The following PARP1 variants were observed in gnomAD, a reference collection of about 807,000 sequenced individuals.
PARP1 encodes poly(ADP-ribose) polymerase 1.
In PARP1, 44 loss-of-function variants were observed where a neutral mutation model predicts 118.7. The observed-to-expected ratio is 0.37, with a 90% confidence interval of 0.29 to 0.48. The LOEUF is 0.48. Ranked by LOEUF, PARP1 falls within the 20% of genes least tolerant of loss-of-function variation. The probability of loss-of-function intolerance (pLI) is 0.99; values close to 1 mark genes in which losing one functional copy is unlikely to be tolerated. For synonymous variants in PARP1, 492 were observed against 483.2 expected, an observed-to-expected ratio of 1.02 and a Z score of -0.24; for missense variants, 1,100 against 1,272.4, an observed-to-expected ratio of 0.86 and a Z score of 2.06.
intron 19 of PARP1, chr1:226,364,281 A>T (rs1241477600): frequency 1.8e-6 from 1 of 552,568 alleles, no homozygotes; most frequent in Non-Finnish European, 3.4e-6. Context: ...AGGAGCTGCA[A>T]GAAGCTACGT....
chr1:226,407,494 CCT>C (rs1426552745), intron 1 of PARP1, among the ~76,000 whole-genome samples: 3 of 152,130 alleles, frequency 2.0e-5, no homozygotes, highest in Non-Finnish European at 4.4e-5. Flanking sequence ...CCCCCCAACC[CCT>C]GAGGCGAACG....
chr1:226,385,095 T>C (rs1156334028), intron 7 of PARP1, among the ~76,000 whole-genome samples: 2 of 152,188 alleles, frequency 1.3e-5, no homozygotes, highest in African/African-American at 4.8e-5. Flanking sequence ...AGGAGATACG[T>C]GAACCCTGGA....
chr1:226,365,165 T>G lies in PARP1; in HGVS notation c.2506-11A>C. ...CTCTATCTTAAAGATCTGGTTGGAG[T>G]AGTAAACAAAGGGAAGGACAAAAGA... On this transcript the variant is annotated splice_polypyrimidine_tract_variant and intron_variant, in intron 18 of 22. Coordinates refer to ENST00000366794, the MANE Select transcript of PARP1 (RefSeq NM_001618.4). 3.7e-6 allele frequency: 6 copies of G among 1,614,028 alleles called. No homozygotes were observed. The highest frequency in any genetic ancestry group is 5.1e-6 in the Non-Finnish European group (6 of 1,179,984).
At chr1:226,399,573 T>G (rs1664988386) in intron 2 of PARP1, among the ~76,000 whole-genome samples, 1 of 152,226 alleles carries the variant, frequency 6.6e-6, no homozygotes, top group Admixed American at 6.5e-5. Flanking sequence ...GAAAGGACTC[T>G]GGAGGCTACC....
At chr1:226,406,103 TGA>T (rs1471541951) in intron 1 of PARP1, among the ~76,000 whole-genome samples, 40 of 152,250 alleles carry the variant, frequency 2.6e-4, no homozygotes, top group African/African-American at 9.6e-4. Flanking sequence ...TTTGTAGCAA[TGA>T]GAGTAAATTA....
At chr1:226,386,042 T>A (rs900145437) in intron 6 of PARP1, among the ~76,000 whole-genome samples, 1 of 152,164 alleles carries the variant, frequency 6.6e-6, no homozygotes, top group Non-Finnish European at 1.5e-5. Flanking sequence ...ATGCCACCCC[T>A]CAGGAGGGGG....
At chr1:226,369,449 G>A (rs1319160161) in intron 15 of PARP1, among the ~76,000 whole-genome samples, 1 of 152,226 alleles carries the variant, frequency 6.6e-6, no homozygotes, top group African/African-American at 2.4e-5. Flanking sequence ...AATGAAAGAG[G>A]CTTCCATTTG....
At chr1:226,377,403 T>A (rs545645766) in intron 12 of PARP1, 100 bp from the exon 13 acceptor site, 2 of 846,666 alleles carry the variant, frequency 2.4e-6, no homozygotes, top group Non-Finnish European at 4.1e-6. Context: ...GGGAAGAATT[T>A]TACACACCCC....
At chr1:226,398,508 C>T (rs1381695223) in intron 2 of PARP1, among the ~76,000 whole-genome samples, 3 of 139,278 alleles carry the variant, frequency 2.2e-5, no homozygotes, top group Admixed American at 7.7e-5. Flanking sequence ...CTAGCCTGGG[C>T]GACGGAGCAA....
intron 17 of PARP1, chr1:226,367,102 A>G: frequency 3.3e-6 from 1 of 306,824 alleles, no homozygotes; most frequent in Non-Finnish European, 6.3e-6. Flanking sequence ...ACCGGTAATA[A>G]GTCTTCTAAA....
intron 17 of PARP1, chr1:226,366,352 G>GAAC (rs1430390942): frequency 2.6e-6 from 1 of 383,698 alleles, no homozygotes; most frequent in Non-Finnish European, 5.0e-6. Flanking sequence ...CACTGTCAGT[G>GAAC]AACAGGGCAT....
Position 226,388,669 on chromosome 1 carries a change from T to C in PARP1, c.704A>G (p.Glu235Gly). The C allele has an allele frequency of 1.2e-6, 2 of 1,612,318 alleles. No homozygotes were observed. The highest frequency in any genetic ancestry group is 1.7e-6 in the Non-Finnish European group (2 of 1,178,340). ...CTGAGAACTCACCTTTAGGGCTTTT[T>C]CAAGCTTACTATCCTTGTCTTTTTC... ...KKEKDKDSKLEKALKAQNDLI... is the reference protein window; with the variant it reads ...KKEKDKDSKLGKALKAQNDLI... Residue 235 changes from glutamate (E) to glycine (G), a missense_variant, in exon 5 of 23, where the codon GAA becomes GGA. Coordinates refer to ENST00000366794, the MANE Select transcript of PARP1 (RefSeq NM_001618.4).
At chr1:226,388,943 G>A (rs775895366) in intron 4 of PARP1, among the ~76,000 whole-genome samples, 188 bp from the exon 5 acceptor site, 1 of 152,066 alleles carries the variant, frequency 6.6e-6, no homozygotes. Flanking sequence ...GGGAGTACTT[G>A]CAGCCAAGAT....
At chr1:226,373,992 ACT>A (rs1255005292) in intron 14 of PARP1, among the ~76,000 whole-genome samples, 2 of 152,078 alleles carry the variant, frequency 1.3e-5, no homozygotes, top group East Asian at 3.9e-4. Flanking sequence ...ACCAGGAACA[ACT>A]CTCTCCAACA....
intron 4 of PARP1, 76 bp downstream of exon 4, chr1:226,390,334 G>A: frequency 8.0e-7 from 1 of 1,250,914 alleles, no homozygotes; most frequent in Non-Finnish European, 1.2e-6. Context: ...GGAGTGGTAT[G>A]GAACCTGTAG....
intron 2 of PARP1, among the ~76,000 whole-genome samples, chr1:226,401,363 T>C (rs1221905230): frequency 6.6e-6 from 1 of 152,222 alleles, no homozygotes; most frequent in African/African-American, 2.4e-5. Context: ...ACAGGCACTG[T>C]GCTGAGAGCA....
Position 226,360,820 on chromosome 1 carries a change from A to C in PARP1, c.*640T>G, listed in dbSNP as rs1664119305. ...TCAAGAATTTCAAATGCAACTTTTA[A>C]TACTACATATTTCAAGAGCTCCCAT... On this transcript the variant is annotated 3_prime_UTR_variant, in exon 23 of 23. Transcript: ENST00000366794. The C allele has an allele frequency of 4.4e-6, 1 of 228,530 alleles. No individual in the cohort carries two copies. Among genetic ancestry groups the C allele is most frequent in the Non-Finnish European group, 8.7e-6 (1 of 115,122 alleles). The allele number at this position is 228,530 out of a possible 1,614,324, so 14.2% of individuals were successfully genotyped here. A position where few individuals can be genotyped will look rare whatever the true frequency, so the allele number is the denominator to read the frequency against.
At chr1:226,397,610 G>A (rs935312793) in intron 2 of PARP1, among the ~76,000 whole-genome samples, 3 of 152,152 alleles carry the variant, frequency 2.0e-5, no homozygotes, top group African/African-American at 7.2e-5. Context: ...CATGATACTT[G>A]TGAGTTCTCC....
chr1:226,377,808 T>G (rs1664522671), intron 12 of PARP1, among the ~76,000 whole-genome samples: 1 of 152,158 alleles, frequency 6.6e-6, no homozygotes, highest in Non-Finnish European at 1.5e-5. Flanking sequence ...CCATCTCAAT[T>G]GAGGGTACAC....
Sources: allele counts gnomAD v4.1 joint callset (sites outside exome capture counted in the v4.1 genomes callset), GRCh38; gene constraint gnomAD v4.1.1; transcripts MANE v1.5; gene names NCBI Gene and HGNC (gene_info 2026-07-23, HGNC 2026-07-21).